The following SYNDIG1 variants were observed in gnomAD, a reference collection of about 807,000 sequenced individuals.
SYNDIG1 encodes synapse differentiation inducing 1, also known as synapse differentiation-inducing gene protein 1.
Under a neutral mutation model 19.4 loss-of-function variants are expected in SYNDIG1, and 9 were observed. That is an observed-to-expected ratio of 0.46 (90% CI 0.28 to 0.81). The LOEUF (loss-of-function observed/expected upper bound fraction) is 0.81. Ranked by LOEUF, SYNDIG1 falls within the 30% of genes least tolerant of loss-of-function variation. The pLI is 0.12. For synonymous variants in SYNDIG1, 141 were observed against 145.9 expected (o/e 0.97, Z 0.24); for missense variants, 311 against 343.3 (o/e 0.91, Z 0.74).
At chr20:24,622,208 A>G (rs1433478289) in intron 3 of SYNDIG1, among the ~76,000 whole-genome samples, 2 of 152,262 alleles carry the variant, frequency 1.3e-5, no homozygotes, top group African/African-American at 4.8e-5. Context: ...CCAGTAATAC[A>G]AAACAGACAA....
In SYNDIG1 at chr20:24,585,658, G is replaced by A. The variant is rs577052615; in HGVS notation, c.618+665G>A. On this transcript the variant is annotated intron_variant, in intron 3 of 3. Transcript: ENST00000376862. Reference sequence around the variant, plus strand: ...ATTTGGAAGGAATTTTCTCTAGCAAGTTCAGAGTACTCATTCAGAAATCAG... The same window carrying A: ...ATTTGGAAGGAATTTTCTCTAGCAAATTCAGAGTACTCATTCAGAAATCAG... Among the ~76,000 whole-genome samples the A allele has an allele frequency of 3.9e-5, 6 of 152,330 alleles. No individual in the cohort carries two copies. In the East Asian group the frequency reaches 9.6e-4, roughly 24 times the overall value.
chr20:24,494,302 A>T (rs1194936248), intron 1 of SYNDIG1, among the ~76,000 whole-genome samples: 1 of 152,186 alleles, frequency 6.6e-6, no homozygotes, highest in Non-Finnish European at 1.5e-5. Flanking sequence ...TGGGGGCATG[A>T]GCAGGGAGGA....
chr20:24,610,669 G>A (rs1422438196), intron 3 of SYNDIG1, among the ~76,000 whole-genome samples: 9 of 152,212 alleles, frequency 5.9e-5, no homozygotes, highest in African/African-American at 9.6e-5. Context: ...AAGTTGAATC[G>A]TGAGAAAGGG....
intron 1 of SYNDIG1, among the ~76,000 whole-genome samples, chr20:24,487,535 G>A (rs2146285313): frequency 6.6e-6 from 1 of 152,306 alleles, no homozygotes; most frequent in African/African-American, 2.4e-5. Context: ...GGTAATGCCT[G>A]CAAAGGGTCC....
chr20:24,556,024 T>C lies in SYNDIG1; in HGVS notation c.480+12447T>C, dbSNP rs1229116088. ...TGCATATATATTTAGGATAGTTAGC[T>C]CTTCTTGTTGAATTGATCCCTTTAC... On this transcript the variant is annotated intron_variant, in intron 2 of 3. Transcript: ENST00000376862. Among the ~76,000 whole-genome samples, 8 of 152,346 alleles carry C rather than the reference T, an allele frequency of 5.3e-5. No individual in the cohort carries two copies. The East Asian group carries it at 1.5e-3, about 29-fold the overall frequency.
chr20:24,616,004 T>C (rs1464092185), intron 3 of SYNDIG1, among the ~76,000 whole-genome samples: 1 of 152,184 alleles, frequency 6.6e-6, no homozygotes, highest in Non-Finnish European at 1.5e-5. Context: ...GCAGAGTTTG[T>C]TGTGACTTTG....
At chr20:24,472,742 G>A (rs1411695771) in intron 1 of SYNDIG1, among the ~76,000 whole-genome samples, 1 of 152,150 alleles carries the variant, frequency 6.6e-6, no homozygotes, top group Non-Finnish European at 1.5e-5. Context: ...GCAGTGGGAG[G>A]GGAGGCCCTC....
intron 3 of SYNDIG1, among the ~76,000 whole-genome samples, chr20:24,616,112 C>T (rs934489311): frequency 3.3e-5 from 5 of 152,052 alleles, no homozygotes; most frequent in African/African-American, 1.2e-4. Flanking sequence ...AAATGCAAAC[C>T]CAAATGTTAG....
chr20:24,651,319 A>G (rs2059472115), intron 3 of SYNDIG1, among the ~76,000 whole-genome samples: 1 of 152,196 alleles, frequency 6.6e-6, no homozygotes, highest in Non-Finnish European at 1.5e-5. Context: ...TAAAGGCCAC[A>G]AGAATGTCAC....
chr20:24,583,161 G>T (rs1182365425), intron 2 of SYNDIG1, among the ~76,000 whole-genome samples: 5 of 152,262 alleles, frequency 3.3e-5, no homozygotes, highest in Admixed American at 6.5e-5. Context: ...AAATGGGAAA[G>T]GGAGCCGTGG....
At position 24,584,918 on chromosome 20, in the gene SYNDIG1, C is replaced by A. The variant is rs749721715; in HGVS notation, c.543C>A (p.His181Gln). The change falls in exon 3 of 4, where the codon CAC becomes CAA. Residue 181 changes from histidine to glutamine, a missense_variant. His to Gln is a conservative substitution (Grantham distance 24). Coordinates refer to ENST00000376862, the MANE Select transcript of SYNDIG1 (RefSeq NM_024893.3). The stretch of plus-strand genomic sequence containing the variant: ...TCCTCATGATGCCCCCGCGGGACCA[C>A]CTGGGCCTCAGTGTCTTCTCCATGC... ...DNFLMMPPRD[H>Q]LGLSVFSMLC... is the part of the protein sequence containing the mutation. The A allele has an allele frequency of 6.2e-7, 1 of 1,614,132 alleles. No individual in the cohort carries two copies. The highest frequency in any genetic ancestry group is 2.2e-5 in the East Asian group (1 of 44,850).
intron 2 of SYNDIG1, among the ~76,000 whole-genome samples, chr20:24,546,499 G>A (rs1170049951): frequency 6.6e-6 from 1 of 152,208 alleles, no homozygotes; most frequent in Admixed American, 6.5e-5. Context: ...CCAGCCTCTG[G>A]TGGGCTGTTG....
intron 3 of SYNDIG1, among the ~76,000 whole-genome samples, chr20:24,587,131 T>C (rs566964074): frequency 2.0e-5 from 3 of 152,330 alleles, no homozygotes; most frequent in African/African-American, 7.2e-5. Flanking sequence ...CTATAGAGGC[T>C]TCTGACCACA....
At chr20:24,534,534 G>GAACTCCTCAC (rs1242196285) in intron 1 of SYNDIG1, among the ~76,000 whole-genome samples, 2 of 152,234 alleles carry the variant, frequency 1.3e-5, no homozygotes, top group African/African-American at 4.8e-5. Flanking sequence ...CCTCGGTCTG[G>GAACTCCTCAC]CCCTGGCTAA....
intron 1 of SYNDIG1, among the ~76,000 whole-genome samples, chr20:24,529,850 T>G (rs369963927): frequency 4.4e-4 from 3 of 6,848 alleles, no homozygotes; most frequent in African/African-American, 1.1e-3. Context: ...TGGTACTCCT[T>G]CTGACAGTGT....
At chr20:24,633,894 G>A (rs188690467) in intron 3 of SYNDIG1, among the ~76,000 whole-genome samples, 1 of 152,314 alleles carries the variant, frequency 6.6e-6, no homozygotes, top group African/African-American at 2.4e-5. Context: ...ACCCGCACCA[G>A]CCGCTCTCAC....
intron 3 of SYNDIG1, among the ~76,000 whole-genome samples, chr20:24,640,354 C>A (rs929601323): frequency 3.0e-5 from 4 of 135,048 alleles, no homozygotes; most frequent in East Asian, 2.2e-4. Flanking sequence ...ACATTGAGAG[C>A]GAGAGAGAGA....
chr20:24,501,550 A>G (rs2056454575), intron 1 of SYNDIG1, among the ~76,000 whole-genome samples: 1 of 152,212 alleles, frequency 6.6e-6, no homozygotes, highest in Admixed American at 6.5e-5. Flanking sequence ...CAGAGGTCCC[A>G]AGGCCACACC....
At position 24,650,005 on chromosome 20, in the gene SYNDIG1, C is replaced by T. The variant is rs775640822; in HGVS notation, c.619-15341C>T. On this transcript the variant is annotated intron_variant, in intron 3 of 3. Transcript: ENST00000376862. ...CATTTTGTGCAACAAACAGATGGAT[C>T]GCATGGGCATGGGAGGGCCAAGAAA... 8.5e-5 allele frequency among the ~76,000 whole-genome samples: 13 copies of T among 152,326 alleles called. No homozygotes were observed. In the East Asian group the frequency reaches 1.3e-3, roughly 16 times the overall value.
Sources: allele counts gnomAD v4.1 joint callset (sites outside exome capture counted in the v4.1 genomes callset), GRCh38; gene constraint gnomAD v4.1.1; transcripts MANE v1.5; gene names NCBI Gene and HGNC (gene_info 2026-07-23, HGNC 2026-07-21).